The following CHCHD3 variants were observed in gnomAD, a reference collection of about 807,000 sequenced individuals.
CHCHD3 encodes MICOS complex subunit MIC19.
In CHCHD3, 20 loss-of-function variants were observed where a neutral mutation model predicts 38.2. The observed-to-expected ratio is 0.52, with a 90% confidence interval of 0.37 to 0.76. The LOEUF (loss-of-function observed/expected upper bound fraction) is 0.76, where lower values mean the gene tolerates loss of function less well. Ranked by LOEUF, CHCHD3 falls within the 30% of genes least tolerant of loss-of-function variation. The probability of loss-of-function intolerance (pLI) is 0.00; values close to 1 mark genes in which losing one functional copy is unlikely to be tolerated. For synonymous variants in CHCHD3, 82 were observed against 100.0 expected, an observed-to-expected ratio of 0.82 and a Z score of 1.07; for missense variants, 245 against 279.2, an observed-to-expected ratio of 0.88 and a Z score of 0.87.
At position 132,868,149 on chromosome 7, in the gene CHCHD3, T is replaced by C. The variant is rs569376157; in HGVS notation, c.453+17513A>G. 7.2e-5 allele frequency among the ~76,000 whole-genome samples: 11 copies of C among 152,156 alleles called. No individual in the cohort carries two copies. The South Asian group carries it at 2.3e-3, about 32-fold the overall frequency. ...TAAGGGATTAAAAATACAAATAAGATCCACAAATATAAAAAATAATTTAAA... is the reference window on the plus strand; with the variant it reads ...TAAGGGATTAAAAATACAAATAAGACCCACAAATATAAAAAATAATTTAAA... On this transcript the variant is annotated intron_variant, in intron 5 of 7. Transcript: ENST00000262570.
At chr7:133,043,995 C>A (rs909753985) in intron 2 of CHCHD3, among the ~76,000 whole-genome samples, 5 of 152,226 alleles carry the variant, frequency 3.3e-5, no homozygotes, top group Admixed American at 3.3e-4. Context: ...TGCTCATTAA[C>A]CTGCTTTTCA....
chr7:132,793,897 G>A (rs1490411663), intron 7 of CHCHD3, among the ~76,000 whole-genome samples: 2 of 152,218 alleles, frequency 1.3e-5, no homozygotes, highest in East Asian at 1.9e-4. Flanking sequence ...ATAGGCAGTC[G>A]GGACTACGTA....
chr7:132,952,245 T>C (rs150591514), intron 4 of CHCHD3, among the ~76,000 whole-genome samples: 1,598 of 152,324 alleles, frequency 0.01, 12 homozygotes, highest in South Asian at 0.066. Context: ...AGCATTAGAA[T>C]GGTGTATTTT....
intron 6 of CHCHD3, among the ~76,000 whole-genome samples, chr7:132,812,529 T>G (rs1807099585): frequency 1.3e-5 from 2 of 152,038 alleles, no homozygotes; most frequent in Non-Finnish European, 2.9e-5. Context: ...CACTTTGTAT[T>G]TCCATTGCCA....
chr7:133,002,256 TA>T lies in CHCHD3; in HGVS notation c.251+22289del, dbSNP rs1246341535. ...GGTGCTTTATATATGTTATCTTATT[TA>T]ATCTTCATTTGAAAAACATGCTTAT... On this transcript the variant is annotated intron_variant, in intron 3 of 7. Transcript: ENST00000262570. 3.3e-5 allele frequency among the ~76,000 whole-genome samples: 5 copies of T among 152,332 alleles called. No individual in the cohort carries two copies. In the East Asian group the frequency reaches 9.6e-4, roughly 29 times the overall value.
At chr7:132,970,418 A>T (rs2117323599) in intron 4 of CHCHD3, among the ~76,000 whole-genome samples, 1 of 152,360 alleles carries the variant, frequency 6.6e-6, no homozygotes, top group South Asian at 2.1e-4. Flanking sequence ...CAGCACTGGC[A>T]TATATTAGGC....
chr7:133,022,147 T>C (rs1411617347), intron 3 of CHCHD3, among the ~76,000 whole-genome samples: 2 of 152,060 alleles, frequency 1.3e-5, no homozygotes, highest in African/African-American at 4.8e-5. Context: ...TGATAATAGA[T>C]ATTCTATAAA....
chr7:132,826,095 T>A (rs1215050512), intron 6 of CHCHD3, among the ~76,000 whole-genome samples: 1 of 152,172 alleles, frequency 6.6e-6, no homozygotes. Flanking sequence ...TTTGTTGAGA[T>A]CTATGCCAGT....
intron 2 of CHCHD3, among the ~76,000 whole-genome samples, chr7:133,045,016 G>A (rs1562947272): frequency 6.6e-6 from 1 of 152,270 alleles, no homozygotes; most frequent in African/African-American, 2.4e-5. Context: ...GTGCTCAGTC[G>A]TTTTTTTCCC....
intron 5 of CHCHD3, among the ~76,000 whole-genome samples, chr7:132,854,162 T>C (rs1381935770): frequency 6.6e-6 from 1 of 152,170 alleles, no homozygotes; most frequent in Non-Finnish European, 1.5e-5. Context: ...AGGCTTCATG[T>C]CTGGAAATAT....
intron 3 of CHCHD3, among the ~76,000 whole-genome samples, chr7:132,976,148 C>A (rs1811762553): frequency 6.6e-6 from 1 of 152,064 alleles, no homozygotes; most frequent in African/African-American, 2.4e-5. Context: ...ATCTTTCCTC[C>A]CAGTATATTA....
chr7:133,012,474 A>G (rs905674196), intron 3 of CHCHD3, among the ~76,000 whole-genome samples: 1 of 152,126 alleles, frequency 6.6e-6, no homozygotes, highest in African/African-American at 2.4e-5. Flanking sequence ...ATAAAACATA[A>G]ATCTTCAGGC....
intron 4 of CHCHD3, among the ~76,000 whole-genome samples, chr7:132,950,342 A>G (rs1295203506): frequency 6.6e-6 from 1 of 152,228 alleles, no homozygotes; most frequent in Non-Finnish European, 1.5e-5. Context: ...AAAAAATCTA[A>G]TAGAGACCTT....
rs1183405002 is a variant in CHCHD3, at chr7:132,789,314, C to T, written c.661-3654G>A. Among the ~76,000 whole-genome samples the T allele has an allele frequency of 3.9e-5, 6 of 152,146 alleles. No individual in the cohort carries two copies. The East Asian group carries it at 1.2e-3, about 29-fold the overall frequency. Reference sequence around the variant, plus strand: ...TGGAGAAAGAAATTCCTTGCTTTTGCTCATCATTCACGTATCTGGGCCTGC... The same window carrying T: ...TGGAGAAAGAAATTCCTTGCTTTTGTTCATCATTCACGTATCTGGGCCTGC... On this transcript the variant is annotated intron_variant, in intron 7 of 7. Transcript: ENST00000262570.
At chr7:132,883,992 C>G (rs911233476) in intron 5 of CHCHD3, among the ~76,000 whole-genome samples, 9 of 152,166 alleles carry the variant, frequency 5.9e-5, no homozygotes, top group Non-Finnish European at 1.2e-4. Flanking sequence ...ATCAGCAAAT[C>G]TGGTCAGCTC....
intron 3 of CHCHD3, among the ~76,000 whole-genome samples, chr7:133,012,607 T>C (rs1318459808): frequency 1.3e-5 from 2 of 151,018 alleles, no homozygotes; most frequent in Non-Finnish European, 3.0e-5. Flanking sequence ...CTAACAAAAA[T>C]ACAAAAATTA....
At chr7:132,796,362 C>G in intron 7 of CHCHD3, 80 bp downstream of exon 7, 2 of 1,503,998 alleles carry the variant, frequency 1.3e-6, no homozygotes, top group South Asian at 2.4e-5. Flanking sequence ...CACAGTGGCC[C>G]ATTTAGTCCT....
intron 3 of CHCHD3, among the ~76,000 whole-genome samples, chr7:132,975,979 CTCTT>C (rs1173408931): frequency 1.3e-5 from 2 of 151,388 alleles, no homozygotes; most frequent in Non-Finnish European, 2.9e-5. Context: ...TAACCATCGT[CTCTT>C]TCTCCAAACT....
At chr7:132,815,675 A>AAATT (rs1309258349) in intron 6 of CHCHD3, 1 of 447,892 alleles carries the variant, frequency 2.2e-6, no homozygotes, top group Admixed American at 2.4e-5. Context: ...AAAGATATGA[A>AAATT]AATTGCATTA....
Sources: allele counts gnomAD v4.1 joint callset (sites outside exome capture counted in the v4.1 genomes callset), GRCh38; gene constraint gnomAD v4.1.1; transcripts MANE v1.5; gene names NCBI Gene and HGNC (gene_info 2026-07-23, HGNC 2026-07-21).